Variants in UGT1A4 observed in about 807,000 individuals in gnomAD.
UGT1A4 encodes the protein UDP-glucuronosyltransferase 1A4.
Under a neutral mutation model 41.1 loss-of-function variants are expected in UGT1A4, and 32 were observed. The ratio of observed to expected loss-of-function variants is 0.78; its 90% CI spans 0.59 to 1.05. The LOEUF (loss-of-function observed/expected upper bound fraction) is 1.05, where lower values mean the gene tolerates loss of function less well. Ranked by LOEUF, UGT1A4 falls within the 50% of genes least tolerant of loss-of-function variation. The pLI is 0.00. For missense variants in UGT1A4, 748 were observed against 677.4 expected (o/e 1.10, Z -1.16); for synonymous variants, 283 against 265.1 (o/e 1.07, Z -0.66).
chr2:233,723,213 CT>C (rs201420005), intron 1 of UGT1A4, among the ~76,000 whole-genome samples: 4,186 of 88,020 alleles, frequency 0.048, 123 homozygotes, highest in African/African-American at 0.1. Context: ...TCAAAACTGA[CT>C]TTTTTTTTTT....
Position 233,724,773 on chromosome 2 carries a change from C to T in UGT1A4, c.867+5086C>T, listed in dbSNP as rs1185900341. 1.4e-5 allele frequency among the ~76,000 whole-genome samples: 2 copies of T among 142,472 alleles called. 1 individual carries two copies. Among genetic ancestry groups the T allele is most frequent in the African/African-American group, 5.4e-5 (2 of 37,242 alleles). 93.5% of individuals were successfully genotyped at this position (142,472 alleles called of 152,430 possible). ...CAGACGATGGGCGGCCAGGCAGAGACACTCCTCACTTCCCAGACGGGGTGG... is the reference window on the plus strand; with the variant it reads ...CAGACGATGGGCGGCCAGGCAGAGATACTCCTCACTTCCCAGACGGGGTGG... On this transcript the variant is annotated intron_variant, in intron 1 of 4. Transcript: ENST00000373409.
At chr2:233,743,548 C>G in intron 1 of UGT1A4, 6 of 1,367,296 alleles carry the variant, frequency 4.4e-6, no homozygotes, top group Non-Finnish European at 5.9e-6. Flanking sequence ...CTGACCCCCC[C>G]AAAATATTCT....
At chr2:233,753,747 C>G (rs1162212818) in intron 1 of UGT1A4, 1 of 152,226 alleles carries the variant, frequency 6.6e-6, no homozygotes, top group Non-Finnish European at 1.5e-5. Context: ...AGCAATAGGA[C>G]AGTTTTGCGT....
chr2:233,719,039 A>T lies in UGT1A4; in HGVS notation c.219A>T (p.Lys73Asn). The T allele has an allele frequency of 1.2e-6, 2 of 1,614,110 alleles. No homozygotes were observed. Among genetic ancestry groups the T allele is most frequent in the Non-Finnish European group, 1.7e-6 (2 of 1,180,016 alleles). ...TGAATATGCACATCAAAGAAGAGAA[A>T]TTTTTCACCCTGACAGCCTATGCTG... is the stretch of plus-strand genomic sequence containing the variant. ...PEVNMHIKEE[K>N]FFTLTAYAVP... Residue 73 changes from lysine (K) to asparagine (N), a missense_variant, in exon 1 of 5, where the codon AAA (lysine) becomes AAT (asparagine). Coordinates refer to ENST00000373409, the MANE Select transcript of UGT1A4 (RefSeq NM_007120.3).
intron 1 of UGT1A4, chr2:233,750,548 G>C (rs1694498401): frequency 1.3e-5 from 2 of 151,982 alleles, no homozygotes; most frequent in African/African-American, 4.9e-5. Context: ...GTGCACATCA[G>C]AGACCTTTGC....
At chr2:233,747,669 C>T in intron 1 of UGT1A4, 1 of 1,603,504 alleles carries the variant, frequency 6.2e-7, no homozygotes, top group South Asian at 1.1e-5. Flanking sequence ...TTTAATAGAC[C>T]CAATTTACCT....
chr2:233,752,614 C>T (rs567429559), intron 1 of UGT1A4: 24 of 152,230 alleles, frequency 1.6e-4, no homozygotes, highest in African/African-American at 5.8e-4. Context: ...AAAACATTAG[C>T]TAGGTGTGGT....
intron 1 of UGT1A4, among the ~76,000 whole-genome samples, chr2:233,722,845 CTTT>C (rs61550889): frequency 7.4e-6 from 1 of 135,338 alleles, no homozygotes. Flanking sequence ...AAGAATGTTT[CTTT>C]TTTTTTTTTT....
chr2:233,767,807 T>C, intron 2 of UGT1A4, 42 bp from the exon 3 acceptor site: 1 of 1,614,158 alleles, frequency 6.2e-7, no homozygotes, highest in Non-Finnish European at 8.5e-7. Flanking sequence ...TCTAATCATA[T>C]TATGTTCTTT....
At chr2:233,736,291 G>A (rs1279591906) in intron 1 of UGT1A4, among the ~76,000 whole-genome samples, 1 of 151,976 alleles carries the variant, frequency 6.6e-6, no homozygotes, top group Admixed American at 6.6e-5. Flanking sequence ...CTTTCTTCCA[G>A]TTGCTCTAAT....
Position 233,768,419 on chromosome 2 carries a change from A to G in UGT1A4, c.1287A>G (p.Lys429=), listed in dbSNP as rs766292651. ...CTGAAGATTTAGAAAATGCTCTAAA[A>G]GCAGTCATCAATGACAAAAGGTAAG... The part of the protein sequence containing the change: ...MTSEDLENAL[K]AVINDKSYKE... Residue 429 remains lysine (K), a synonymous_variant, in exon 4 of 5, where the codon AAA becomes AAG. Transcript: ENST00000373409. 1 of 1,614,170 alleles carries G rather than the reference A, an allele frequency of 6.2e-7. No individual in the cohort carries two copies. Among genetic ancestry groups the G allele is most frequent in the Non-Finnish European group, 8.5e-7 (1 of 1,180,020 alleles).
At chr2:233,742,468 T>C (rs1293032566) in intron 1 of UGT1A4, among the ~76,000 whole-genome samples, 1 of 151,930 alleles carries the variant, frequency 6.6e-6, no homozygotes, top group East Asian at 1.9e-4. Flanking sequence ...CTTATTCCAG[T>C]AAACTCACAA....
intron 1 of UGT1A4, among the ~76,000 whole-genome samples, chr2:233,730,785 G>C (rs1273458809): frequency 1.3e-5 from 2 of 152,122 alleles, no homozygotes; most frequent in Non-Finnish European, 2.9e-5. Flanking sequence ...TGAAGCTGGG[G>C]ACAGTGATGA....
intron 1 of UGT1A4, chr2:233,729,128 T>C (rs765683446): frequency 2.4e-5 from 38 of 1,613,072 alleles, no homozygotes; most frequent in Non-Finnish European, 3.1e-5. Context: ...TCTGCTGAGA[T>C]GGCCACAGGA....
chr2:233,762,966 C>T (rs947524337), intron 1 of UGT1A4, among the ~76,000 whole-genome samples: 7 of 152,068 alleles, frequency 4.6e-5, no homozygotes, highest in African/African-American at 1.2e-4. Context: ...GAAAGATGCC[C>T]GTCTTGCTGC....
rs1022638248 is a variant in UGT1A4, at chr2:233,725,056, G to A, written c.867+5369G>A. On this transcript the variant is annotated intron_variant, in intron 1 of 4. Coordinates refer to ENST00000373409, the MANE Select transcript of UGT1A4 (RefSeq NM_007120.3). ...ACCAAAACCAGTCAGGCGTGGCGGC[G>A]CGCGCCTGCAATCGCAGGCACTCGG... Among the ~76,000 whole-genome samples the A allele has an allele frequency of 2.3e-4, 34 of 147,566 alleles. 1 individual carries two copies. Among genetic ancestry groups the A allele is most frequent in the African/African-American group, 3.0e-4 (12 of 39,600 alleles).
chr2:233,762,475 C>A (rs1173865347), intron 1 of UGT1A4, among the ~76,000 whole-genome samples: 1 of 152,106 alleles, frequency 6.6e-6, no homozygotes, highest in East Asian at 1.9e-4. Flanking sequence ...ATGGATATCA[C>A]TCCAGTTTTA....
At chr2:233,747,138 G>A in intron 1 of UGT1A4, 1 of 1,552,384 alleles carries the variant, frequency 6.4e-7, no homozygotes. Context: ...CAGTGACAAG[G>A]TAATTAAGAT....
At position 233,769,481 on chromosome 2, in the gene UGT1A4, G is replaced by T. The variant is rs35791110; in HGVS notation, c.1307+1042G>T. 6.2e-7 allele frequency: 1 copy of T among 1,612,192 alleles called. No homozygotes were observed. The highest frequency in any genetic ancestry group is 1.3e-5 in the African/African-American group (1 of 75,008). ...TTCATATGCGTGTGTGTGTGTGTGC[G>T]TGTGTTTATGAGAGTGTCCATTGCT... is the stretch of plus-strand genomic sequence containing the variant. On this transcript the variant is annotated intron_variant, in intron 4 of 4. Transcript: ENST00000373409. The surrounding 1 kb of genome is among the most constrained non-coding windows in gnomAD (Gnocchi z 4.4).
Sources: gnomAD v4.1 joint callset for allele counts (sites outside exome capture counted in the v4.1 genomes callset) on GRCh38, gnomAD v4.1.1 for gene constraint, Gnocchi (gnomAD v3.1) non-coding constraint, MANE v1.5 for transcripts, NCBI Gene and HGNC (gene_info 2026-07-23, HGNC 2026-07-21) for gene names.